Variants in AKAP6 observed in about 807,000 individuals in gnomAD.
The protein encoded by AKAP6 is A-kinase anchor protein 6.
A neutral mutation model predicts 188.5 loss-of-function variants in AKAP6; 58 were observed. The observed-to-expected ratio is 0.31, with a 90% CI of 0.25 to 0.38. AKAP6 has a LOEUF of 0.38. AKAP6 is among the 10% of genes least tolerant of loss of function. The pLI, the probability that AKAP6 is intolerant of heterozygous loss-of-function variation, is 1.00. For missense variants in AKAP6, 2,710 were observed against 2,740.0 expected, an observed-to-expected ratio of 0.99 and a Z score of 0.24; for synonymous variants, 989 against 998.6, an observed-to-expected ratio of 0.99 and a Z score of 0.18.
At chr14:32,498,910 C>T (rs766864798) in intron 2 of AKAP6, among the ~76,000 whole-genome samples, 2 of 152,098 alleles carry the variant, frequency 1.3e-5, no homozygotes, top group Non-Finnish European at 2.9e-5. Context: ...AGAAACTTCA[C>T]TTACCTTGTA....
chr14:32,622,670 A>G (rs1165566812), intron 7 of AKAP6, among the ~76,000 whole-genome samples: 1 of 152,120 alleles, frequency 6.6e-6, no homozygotes, highest in Admixed American at 6.6e-5. Context: ...TCTATACAAC[A>G]TTTCTAAACT....
intron 1 of AKAP6, among the ~76,000 whole-genome samples, chr14:32,372,413 T>TA (rs765378733): frequency 5.9e-5 from 9 of 152,072 alleles, no homozygotes; most frequent in Non-Finnish European, 1.3e-4. Context: ...CTTGGACCAG[T>TA]GTCAATTTAA....
intron 2 of AKAP6, among the ~76,000 whole-genome samples, chr14:32,523,987 C>T (rs1881994984): frequency 6.6e-6 from 1 of 151,734 alleles, no homozygotes; most frequent in African/African-American, 2.4e-5. Flanking sequence ...GTCTAATGCC[C>T]GAAGTTCTTC....
chr14:32,343,746 CA>C (rs56376110), intron 1 of AKAP6, among the ~76,000 whole-genome samples: 1,362 of 37,172 alleles, frequency 0.037, 4 homozygotes, highest in African/African-American at 0.071. Flanking sequence ...GATTCCGTCT[CA>C]AAAAAAAAAA....
intron 12 of AKAP6, among the ~76,000 whole-genome samples, chr14:32,797,925 G>GAAAAAAAAAAAAAAAAAAAA (rs57455449): frequency 7.8e-6 from 1 of 128,096 alleles, no homozygotes; most frequent in African/African-American, 2.8e-5. Context: ...CTTCTGCACA[G>GAAAAAAAAAAAAAAAAAAAA]AAAAAAAAAA....
chr14:32,705,981 A>C, intron 9 of AKAP6, among the ~76,000 whole-genome samples: 1 of 152,168 alleles, frequency 6.6e-6, no homozygotes, highest in Non-Finnish European at 1.5e-5. Flanking sequence ...AACTAATTGC[A>C]TGGCCACAAC....
rs527922446 is a variant in AKAP6, at chr14:32,737,148, G to A, written c.3372+1266G>A. Among the ~76,000 whole-genome samples, 4 of 152,194 alleles carry A rather than the reference G, an allele frequency of 2.6e-5. No individual in the cohort carries two copies. In the South Asian group the frequency reaches 8.3e-4, roughly 32 times the overall value. On this transcript the variant is annotated intron_variant, in intron 11 of 13. Transcript: ENST00000280979. ...ACTTTTCAAACTTTTTGAGATTATGGAGCCCTGATGATTTTTCTTTATGAC... is the reference window on the plus strand; with the variant it reads ...ACTTTTCAAACTTTTTGAGATTATGAAGCCCTGATGATTTTTCTTTATGAC...
chr14:32,803,170 A>C lies in AKAP6; in HGVS notation c.3589-18232A>C, dbSNP rs149933647. On this transcript the variant is annotated intron_variant, in intron 12 of 13. Coordinates refer to ENST00000280979, the MANE Select transcript of AKAP6 (RefSeq NM_004274.5). ...AATTAAGAAATATTTGTGGCCAGGCACGGTGGCTCATGCCTGTAATCCCAG... is the reference window on the plus strand; with the variant it reads ...AATTAAGAAATATTTGTGGCCAGGCCCGGTGGCTCATGCCTGTAATCCCAG... 2.0e-3 allele frequency among the ~76,000 whole-genome samples: 306 copies of C among 152,094 alleles called. 3 individuals carry two copies. Among genetic ancestry groups the C allele is most frequent in the African/African-American group, 6.8e-3 (283 of 41,508 alleles).
chr14:32,643,774 A>T (rs1278967139), intron 7 of AKAP6, among the ~76,000 whole-genome samples: 1 of 152,174 alleles, frequency 6.6e-6, no homozygotes, highest in Admixed American at 6.5e-5. Flanking sequence ...AAAGACAGAG[A>T]CGTGTCCTTT....
At chr14:32,329,762 G>T (rs915642493) in intron 1 of AKAP6, among the ~76,000 whole-genome samples, 1 of 152,014 alleles carries the variant, frequency 6.6e-6, no homozygotes, top group Non-Finnish European at 1.5e-5. Context: ...TTCTTTTTGG[G>T]AGGCAGAGCT....
rs112239896 is a variant in AKAP6, at chr14:32,823,480, A to G, written c.5667A>G (p.Pro1889=). 2 of 1,613,768 alleles carry G rather than the reference A, an allele frequency of 1.2e-6. No homozygotes were observed. The highest frequency in any genetic ancestry group is 1.1e-5 in the South Asian group (1 of 91,060). Residue 1889 remains proline (P), a synonymous_variant, in exon 13 of 14, where the codon CCA becomes CCG. Transcript: ENST00000280979. The part of the protein sequence containing the change: ...KKTIFKVNKD[P]YVADMENGNI... ...CTATTTTCAAAGTTAATAAAGATCCATATGTGGCTGACATGGAAAATGGCA... is the reference window on the plus strand; with the variant it reads ...CTATTTTCAAAGTTAATAAAGATCCGTATGTGGCTGACATGGAAAATGGCA...
intron 9 of AKAP6, among the ~76,000 whole-genome samples, chr14:32,719,675 C>T (rs891108551): frequency 2.0e-5 from 3 of 152,118 alleles, no homozygotes; most frequent in Non-Finnish European, 4.4e-5. Flanking sequence ...GGGAAAAGCA[C>T]GTTTCAGAAT....
intron 1 of AKAP6, among the ~76,000 whole-genome samples, chr14:32,371,098 ACT>A (rs1887989433): frequency 9.8e-6 from 1 of 101,822 alleles, no homozygotes; most frequent in Non-Finnish European, 2.3e-5. Flanking sequence ...AGGAAAAGTA[ACT>A]AAGTCCTAAA....
At chr14:32,484,768 G>T (rs1879582361) in intron 2 of AKAP6, 1 of 215,940 alleles carries the variant, frequency 4.6e-6, no homozygotes, top group Non-Finnish European at 6.7e-6. Flanking sequence ...TGTCTTTGTG[G>T]TTTGTAGAGA....
At chr14:32,378,981 C>T (rs182170466) in intron 1 of AKAP6, among the ~76,000 whole-genome samples, 13 of 146,030 alleles carry the variant, frequency 8.9e-5, no homozygotes, top group South Asian at 4.3e-4. Context: ...TGCAGTGGTG[C>T]GGTCTTGGTT....
intron 7 of AKAP6, among the ~76,000 whole-genome samples, chr14:32,663,528 CA>C (rs138694188): frequency 0.024 from 3,673 of 152,030 alleles, 159 homozygotes; most frequent in African/African-American, 0.082. Flanking sequence ...GACAGATCAC[CA>C]TGGGAAGTAA....
rs1011069735 is a variant in AKAP6, at chr14:32,832,739, G to T, written c.*2934G>T. The T allele has an allele frequency of 2.0e-5, 3 of 152,500 alleles. No homozygotes were observed. Among genetic ancestry groups the T allele is most frequent in the Non-Finnish European group, 2.9e-5 (2 of 68,016 alleles). The allele number at this position is 152,500 out of a possible 1,614,324, so 9.4% of individuals were successfully genotyped here. ...GTTGCTAAAATCTGCCTAGTACCCC[G>T]CTACCCTGTTCTGTCTTATGGAGCA... is the stretch of plus-strand genomic sequence containing the variant. On this transcript the variant is annotated 3_prime_UTR_variant, in exon 14 of 14. Transcript: ENST00000280979.
intron 2 of AKAP6, among the ~76,000 whole-genome samples, chr14:32,439,901 C>A (rs1328255134): frequency 1.3e-5 from 2 of 151,920 alleles, no homozygotes; most frequent in Non-Finnish European, 2.9e-5. Context: ...TATAATAAGC[C>A]CTGGTTTAAG....
chr14:32,352,509 T>G (rs894630720), intron 1 of AKAP6, among the ~76,000 whole-genome samples: 1 of 152,132 alleles, frequency 6.6e-6, no homozygotes, highest in Non-Finnish European at 1.5e-5. Context: ...ACTTATTCCT[T>G]TTATGTAACT....
Sources: gnomAD v4.1 joint callset for allele counts (sites outside exome capture counted in the v4.1 genomes callset) on GRCh38, gnomAD v4.1.1 for gene constraint, MANE v1.5 for transcripts, NCBI Gene and HGNC (gene_info 2026-07-23, HGNC 2026-07-21) for gene names.